Variants in EYS observed in about 807,000 individuals in gnomAD.
EYS encodes protein eyes shut homolog.
EYS carries 250 observed loss-of-function variants against 282.1 expected under a neutral mutation model. The ratio of observed to expected loss-of-function variants is 0.89; its 90% CI spans 0.80 to 0.98. The LOEUF is 0.98. Among genes scored for constraint, EYS ranks in the 50% least tolerant of loss-of-function variants. The pLI, the probability that EYS is intolerant of heterozygous loss-of-function variation, is 0.00. For missense variants in EYS, 4,016 were observed against 3,709.0 expected, an observed-to-expected ratio of 1.08 and a Z score of -2.15; for synonymous variants, 1,355 against 1,282.9, an observed-to-expected ratio of 1.06 and a Z score of -1.20.
At position 65,026,916 on chromosome 6, in the gene EYS, C is replaced by CAAAAAAAAAAAAAAAAAAAAAAAAAAAA. The variant is rs1260312589; in HGVS notation, c.2138-29214_2138-29213insTTTTTTTTTTTTTTTTTTTTTTTTTTTT. The stretch of plus-strand genomic sequence containing the variant: ...TGGGCGACAGAGTGAGACTCCGTCT[C>CAAAAAAAAAAAAAAAAAAAAAAAAAAAA]AAAAAAAAAAAAAAGATTCAGATAT... On this transcript the variant is annotated intron_variant, in intron 13 of 42. Transcript: ENST00000503581. 1.8e-3 allele frequency among the ~76,000 whole-genome samples: 195 copies of CAAAAAAAAAAAAAAAAAAAAAAAAAAAA among 107,796 alleles called. 11 individuals are homozygous for CAAAAAAAAAAAAAAAAAAAAAAAAAAAA. The highest frequency in any genetic ancestry group is 0.011 in the Middle Eastern group (2 of 186). The allele number at this position is 107,796 out of a possible 152,430, so 70.7% of individuals were successfully genotyped here. A position where few individuals can be genotyped will look rare whatever the true frequency, so the allele number is the denominator to read the frequency against.
chr6:64,585,992 G>T (rs779393785), intron 26 of EYS, among the ~76,000 whole-genome samples: 1 of 151,974 alleles, frequency 6.6e-6, no homozygotes, highest in Admixed American at 6.6e-5. Context: ...GTTCTGTATG[G>T]TTTTAATAAG....
chr6:65,393,464 A>G (rs945222861), intron 7 of EYS, among the ~76,000 whole-genome samples: 1 of 152,180 alleles, frequency 6.6e-6, no homozygotes, highest in African/African-American at 2.4e-5. Context: ...GCATTCCATT[A>G]ATTAATACAT....
chr6:65,219,062 A>G (rs895481831), intron 12 of EYS, among the ~76,000 whole-genome samples: 2 of 152,170 alleles, frequency 1.3e-5, no homozygotes, highest in African/African-American at 4.8e-5. Context: ...CTTAATTTAC[A>G]TAGAAGATAT....
rs138025340 is a variant in EYS, at chr6:64,101,745, G to A, written c.6425-19743C>T. 4.7e-4 allele frequency among the ~76,000 whole-genome samples: 71 copies of A among 151,996 alleles called. 2 individuals are homozygous for A. The highest frequency in any genetic ancestry group is 1.4e-3 in the African/African-American group (59 of 41,452). ...TTTTGGGATGATTCAAGCCCATTAC[G>A]TTTGTTGTGTACTTTATTTCTATTA... is the stretch of plus-strand genomic sequence containing the variant. On this transcript the variant is annotated intron_variant, in intron 31 of 42. Transcript: ENST00000503581.
At chr6:64,571,137 C>G (rs1457591682) in intron 26 of EYS, among the ~76,000 whole-genome samples, 4 of 152,068 alleles carry the variant, frequency 2.6e-5, no homozygotes, top group Non-Finnish European at 5.9e-5. Context: ...CACTCAAAAC[C>G]ACACAACTAC....
chr6:65,018,099 A>G (rs1049962848), intron 13 of EYS, among the ~76,000 whole-genome samples: 1 of 152,162 alleles, frequency 6.6e-6, no homozygotes, highest in East Asian at 1.9e-4. Context: ...ACTTGTGTCT[A>G]TTTTTCTGTG....
At chr6:64,851,324 T>TA (rs1765875045) in intron 19 of EYS, among the ~76,000 whole-genome samples, 5 of 151,940 alleles carry the variant, frequency 3.3e-5, no homozygotes, top group African/African-American at 7.3e-5. Flanking sequence ...GTGATTTTTT[T>TA]TAAAAAAATA....
chr6:65,377,628 C>G (rs1765425099), intron 8 of EYS, among the ~76,000 whole-genome samples: 1 of 151,618 alleles, frequency 6.6e-6, no homozygotes, highest in Non-Finnish European at 1.5e-5. Flanking sequence ...AGACCACTAG[C>G]CAGTCTAAAA....
chr6:64,342,382 C>T (rs935299937), intron 29 of EYS, among the ~76,000 whole-genome samples: 9 of 151,898 alleles, frequency 5.9e-5, no homozygotes, highest in Admixed American at 2.6e-4. Context: ...AGAAACTCTA[C>T]AAGCCAGAAG....
chr6:64,175,089 AT>A (rs1233577054), intron 31 of EYS, among the ~76,000 whole-genome samples: 1 of 152,084 alleles, frequency 6.6e-6, no homozygotes, highest in Non-Finnish European at 1.5e-5. Context: ...TTTAGAGCAT[AT>A]TTTGCATTTA....
At chr6:64,731,387 C>T (rs1771959725) in intron 22 of EYS, among the ~76,000 whole-genome samples, 1 of 152,118 alleles carries the variant, frequency 6.6e-6, no homozygotes, top group Non-Finnish European at 1.5e-5. Context: ...GGGCAGCCTA[C>T]AGAATGGGAA....
intron 12 of EYS, among the ~76,000 whole-genome samples, chr6:65,141,628 A>AGTCAGTCC (rs1764344334): frequency 3.3e-5 from 4 of 120,166 alleles, no homozygotes; most frequent in African/African-American, 1.3e-4. Flanking sequence ...TCAGTGAGTC[A>AGTCAGTCC]GTCTGTCTGT....
intron 1 of EYS, among the ~76,000 whole-genome samples, chr6:65,654,709 G>T (rs778747895): frequency 7.3e-5 from 11 of 151,600 alleles, no homozygotes; most frequent in Non-Finnish European, 1.3e-4. Context: ...ACTGAATTGA[G>T]TCAAGAAACG....
chr6:65,577,642 T>C (rs1764718388), intron 2 of EYS, among the ~76,000 whole-genome samples: 1 of 151,578 alleles, frequency 6.6e-6, no homozygotes, highest in African/African-American at 2.4e-5. Flanking sequence ...AGAGGCAGTC[T>C]ACCAAATTGT....
In EYS at chr6:64,591,598, TG is replaced by T; in HGVS notation, c.4268del (p.Pro1423GlnfsTer5). 1 of 1,551,188 alleles carries T rather than the reference TG, an allele frequency of 6.4e-7. No individual in the cohort carries two copies. Among genetic ancestry groups the T allele is most frequent in the South Asian group, 1.2e-5 (1 of 84,050 alleles). On this transcript the variant is annotated frameshift_variant, in exon 26 of 43. Coordinates refer to ENST00000503581, the MANE Select transcript of EYS (RefSeq NM_001142800.2). LOFTEE classifies it high-confidence loss of function. Reference sequence around the variant, plus strand: ...GAATGCTTCTAATTACTGAAGTCGTTGGGGTAGCAGATAAAGCAACAGTCTG... The same window carrying T: ...GAATGCTTCTAATTACTGAAGTCGTTGGGTAGCAGATAAAGCAACAGTCTG... ...NCQTVALSAT[P>X]TTSVIRSIPG...
intron 22 of EYS, among the ~76,000 whole-genome samples, chr6:64,693,303 A>G (rs1770465283): frequency 6.6e-6 from 1 of 151,982 alleles, no homozygotes; most frequent in Non-Finnish European, 1.5e-5. Context: ...AGAAATTGGC[A>G]AGCAAATTCT....
intron 30 of EYS, among the ~76,000 whole-genome samples, chr6:64,266,025 T>A (rs1225427489): frequency 6.6e-6 from 1 of 152,082 alleles, no homozygotes; most frequent in Admixed American, 6.6e-5. Flanking sequence ...AAATAAAAAT[T>A]GACATGAAAA....
chr6:64,345,749 T>A (rs1771360180), intron 29 of EYS, among the ~76,000 whole-genome samples: 1 of 151,982 alleles, frequency 6.6e-6, no homozygotes, highest in Non-Finnish European at 1.5e-5. Flanking sequence ...GAAACTACCA[T>A]CAGAGTGAAC....
intron 30 of EYS, among the ~76,000 whole-genome samples, chr6:64,251,369 T>TTATG (rs907574556): frequency 2.6e-5 from 4 of 152,106 alleles, no homozygotes; most frequent in African/African-American, 9.7e-5. Context: ...CCTCAGAGAA[T>TTATG]TATGGTATAG....
Sources: allele counts gnomAD v4.1 joint callset (sites outside exome capture counted in the v4.1 genomes callset), GRCh38; gene constraint gnomAD v4.1.1; transcripts MANE v1.5; gene names NCBI Gene and HGNC (gene_info 2026-07-23, HGNC 2026-07-21).